The following VWA3B variants were observed in gnomAD, a reference collection of about 807,000 sequenced individuals.
VWA3B encodes von Willebrand factor A domain containing 3B, also known as von Willebrand factor A domain-containing protein 3B.
Under a neutral mutation model 158.3 loss-of-function variants are expected in VWA3B, and 138 were observed. The ratio of observed to expected loss-of-function variants is 0.87; its 90% confidence interval spans 0.76 to 1.00. The LOEUF is 1.00. Among genes scored for constraint, VWA3B ranks in the 50% least tolerant of loss-of-function variants. VWA3B has a pLI of 0.00. For missense variants in VWA3B, 1,555 were observed against 1,565.1 expected, an observed-to-expected ratio of 0.99 and a Z score of 0.11; for synonymous variants, 596 against 587.3, an observed-to-expected ratio of 1.01 and a Z score of -0.21.
At chr2:98,171,946 A>G (rs921283120) in intron 8 of VWA3B, among the ~76,000 whole-genome samples, 5 of 152,284 alleles carry the variant, frequency 3.3e-5, no homozygotes, top group Admixed American at 6.5e-5. Context: ...CTGCTGCTCA[A>G]ACTTCTAGGG....
chr2:98,115,813 T>A, intron 3 of VWA3B, 67 bp downstream of exon 3: 1 of 1,328,966 alleles, frequency 7.5e-7, no homozygotes, highest in Non-Finnish European at 1.1e-6. Flanking sequence ...GAGAGTGCAG[T>A]GTGGGGAGAG....
chr2:98,177,978 A>G (rs1161316715), intron 8 of VWA3B, among the ~76,000 whole-genome samples: 10 of 152,130 alleles, frequency 6.6e-5, no homozygotes, highest in Admixed American at 5.9e-4. Flanking sequence ...TTGATCAGGA[A>G]AAAAAAGGGA....
chr2:98,124,692 T>C (rs1392491110), intron 5 of VWA3B, among the ~76,000 whole-genome samples: 1 of 152,190 alleles, frequency 6.6e-6, no homozygotes, highest in East Asian at 1.9e-4. Flanking sequence ...GACTTTCTTT[T>C]TGCTCTTTGA....
In VWA3B at chr2:98,236,258, A is replaced by T. The variant is rs75436034; in HGVS notation, c.2429-132A>T. On this transcript the variant is annotated intron_variant, in intron 17 of 27. Coordinates refer to ENST00000477737, the MANE Select transcript of VWA3B (RefSeq NM_144992.5). ...TGAGAGCCCGCTCTGACAAATCAGG[A>T]TATGTTCTCTGAAATGTGGTCCATT... is the stretch of plus-strand genomic sequence containing the variant. 1.6e-4 allele frequency: 159 copies of T among 999,470 alleles called. 2 individuals carry two copies. In the East Asian group the frequency reaches 3.8e-3, roughly 24 times the overall value. 61.9% of individuals were successfully genotyped at this position (999,470 alleles called of 1,614,324 possible). A position where few individuals can be genotyped will look rare whatever the true frequency, so the allele number is the denominator to read the frequency against.
intron 2 of VWA3B, among the ~76,000 whole-genome samples, chr2:98,103,315 CT>C (rs1683216626): frequency 6.6e-6 from 1 of 152,008 alleles, no homozygotes; most frequent in Admixed American, 6.6e-5. Context: ...TTATTTATTT[CT>C]TTCTGCTTAC....
chr2:98,178,472 A>G (rs1352424245), intron 8 of VWA3B, among the ~76,000 whole-genome samples: 1 of 152,222 alleles, frequency 6.6e-6, no homozygotes. Flanking sequence ...AACATGATTT[A>G]TGTCTTCCCA....
intron 2 of VWA3B, among the ~76,000 whole-genome samples, chr2:98,107,969 G>T (rs1275624520): frequency 2.0e-5 from 3 of 151,524 alleles, no homozygotes; most frequent in Non-Finnish European, 2.9e-5. Context: ...ATTGATTTGA[G>T]ATTTTATGTT....
chr2:98,130,779 TCTA>T (rs1675801513), intron 6 of VWA3B, among the ~76,000 whole-genome samples: 1 of 152,198 alleles, frequency 6.6e-6, no homozygotes, highest in African/African-American at 2.4e-5. Context: ...GTCTCTTATG[TCTA>T]CTTCTTTCTA....
chr2:98,139,059 T>C (rs1199621295), intron 7 of VWA3B, among the ~76,000 whole-genome samples: 2 of 152,138 alleles, frequency 1.3e-5, no homozygotes, highest in African/African-American at 2.4e-5. Flanking sequence ...CAGCTGGAGT[T>C]CCGGGTGGCT....
intron 25 of VWA3B, among the ~76,000 whole-genome samples, chr2:98,303,421 G>GGTGTGT (rs58157632): frequency 0.044 from 6,488 of 146,596 alleles, 165 homozygotes; most frequent in African/African-American, 0.062. Context: ...GTTATGTGAA[G>GGTGTGT]GTGTGTGTGT....
At chr2:98,162,668 A>G (rs540031604) in intron 7 of VWA3B, among the ~76,000 whole-genome samples, 183 bp from the exon 8 acceptor site, 7 of 152,198 alleles carry the variant, frequency 4.6e-5, no homozygotes, top group Non-Finnish European at 1.0e-4. Context: ...TGATTTCTTG[A>G]GATGATATCA....
intron 8 of VWA3B, among the ~76,000 whole-genome samples, chr2:98,180,325 G>A (rs1457296039): frequency 6.6e-6 from 1 of 152,156 alleles, no homozygotes; most frequent in East Asian, 1.9e-4. Context: ...CCAAGTAGTT[G>A]GGATTACAGA....
chr2:98,156,642 G>C (rs1394735607), intron 7 of VWA3B, among the ~76,000 whole-genome samples: 1 of 149,310 alleles, frequency 6.7e-6, no homozygotes, highest in Non-Finnish European at 1.5e-5. Context: ...CCTTTTCTTG[G>C]ATGGAAAAAC....
At chr2:98,198,455 A>C (rs894130032) in intron 12 of VWA3B, among the ~76,000 whole-genome samples, 1 of 152,092 alleles carries the variant, frequency 6.6e-6, no homozygotes, top group Non-Finnish European at 1.5e-5. Context: ...TATGTCATTC[A>C]TTAGTGACAC....
At chr2:98,252,597 G>A (rs919979828) in intron 20 of VWA3B, among the ~76,000 whole-genome samples, 3 of 152,032 alleles carry the variant, frequency 2.0e-5, no homozygotes, top group Non-Finnish European at 4.4e-5. Context: ...GGTCTGTTGT[G>A]AGGATTATGT....
chr2:98,173,572 G>A (rs974093402), intron 8 of VWA3B, among the ~76,000 whole-genome samples: 16 of 152,186 alleles, frequency 1.1e-4, no homozygotes, highest in Admixed American at 2.6e-4. Flanking sequence ...AGAATTGGTC[G>A]ATTAGCATTT....
Position 98,247,005 on chromosome 2 carries a change from A to G in VWA3B, c.2674-3313A>G, listed in dbSNP as rs186623527. Among the ~76,000 whole-genome samples, 39 of 149,036 alleles carry G rather than the reference A, an allele frequency of 2.6e-4. 1 individual carries two copies. The South Asian group carries it at 3.6e-3, about 14-fold the overall frequency. ...TTTTAAAAGTTTTAATGTAATGACA[A>G]TTTTTTTTTTGAGACAGAGCCTCGC... is the stretch of plus-strand genomic sequence containing the variant. On this transcript the variant is annotated intron_variant, in intron 19 of 27. Coordinates refer to ENST00000477737, the MANE Select transcript of VWA3B (RefSeq NM_144992.5).
intron 7 of VWA3B, among the ~76,000 whole-genome samples, chr2:98,156,522 C>T (rs1431791772): frequency 6.6e-6 from 1 of 152,106 alleles, no homozygotes; most frequent in Admixed American, 6.5e-5. Context: ...TAGTCCTAGC[C>T]CTGCTCTTTG....
chr2:98,146,232 G>A (rs1458779933), intron 7 of VWA3B, among the ~76,000 whole-genome samples: 2 of 152,108 alleles, frequency 1.3e-5, no homozygotes, highest in Non-Finnish European at 2.9e-5. Flanking sequence ...TCTTCTCTTG[G>A]TAGTTTTACT....
Sources: allele counts gnomAD v4.1 joint callset (sites outside exome capture counted in the v4.1 genomes callset), GRCh38; gene constraint gnomAD v4.1.1; transcripts MANE v1.5; gene names NCBI Gene and HGNC (gene_info 2026-07-23, HGNC 2026-07-21).